RAPGEF4: variants seen among roughly 807,000 people sequenced by gnomAD.
RAPGEF4 encodes the protein RAP guanine-nucleotide-exchange factor (GEF) 4.
RAPGEF4 carries 66 observed loss-of-function variants against 147.9 expected under a neutral mutation model. That is an observed-to-expected ratio of 0.45 (90% confidence interval 0.37 to 0.55). RAPGEF4 has a LOEUF of 0.55. RAPGEF4 is among the 20% of genes least tolerant of loss of function. The pLI, the probability that RAPGEF4 is intolerant of heterozygous loss-of-function variation, is 0.00. For synonymous variants in RAPGEF4, 419 were observed against 442.7 expected, an observed-to-expected ratio of 0.95 and a Z score of 0.67; for missense variants, 1,071 against 1,257.3, an observed-to-expected ratio of 0.85 and a Z score of 2.24.
At chr2:172,820,080 G>A (rs1688924905) in intron 4 of RAPGEF4, among the ~76,000 whole-genome samples, 1 of 152,188 alleles carries the variant, frequency 6.6e-6, no homozygotes, top group African/African-American at 2.4e-5. Flanking sequence ...CTTTCTGTCT[G>A]ATGTTGTGTT....
chr2:173,025,489 C>T (rs1696571847), intron 23 of RAPGEF4, among the ~76,000 whole-genome samples: 1 of 152,228 alleles, frequency 6.6e-6, no homozygotes, highest in South Asian at 2.1e-4. Flanking sequence ...GTCGCCCAGG[C>T]TGGGGTGCAG....
chr2:172,927,718 A>G (rs1685514053), intron 6 of RAPGEF4, among the ~76,000 whole-genome samples: 1 of 152,202 alleles, frequency 6.6e-6, no homozygotes, highest in African/African-American at 2.4e-5. Flanking sequence ...TCGAGGACCA[A>G]CTGAATTCAA....
chr2:172,811,716 A>G (rs1381025812), intron 3 of RAPGEF4, among the ~76,000 whole-genome samples: 1 of 152,234 alleles, frequency 6.6e-6, no homozygotes, highest in Non-Finnish European at 1.5e-5. Flanking sequence ...GTTAGATGTT[A>G]GTGTGGATAT....
At chr2:172,774,385 G>T (rs1241459127) in intron 1 of RAPGEF4, among the ~76,000 whole-genome samples, 1 of 152,096 alleles carries the variant, frequency 6.6e-6, no homozygotes, top group Non-Finnish European at 1.5e-5. Context: ...GCCCCAATTG[G>T]GTCCCAATCT....
At chr2:172,801,252 T>G (rs953701045) in intron 3 of RAPGEF4, among the ~76,000 whole-genome samples, 2 of 152,016 alleles carry the variant, frequency 1.3e-5, no homozygotes, top group African/African-American at 2.4e-5. Flanking sequence ...GTGAGGAGGA[T>G]GATAAAAGTG....
At chr2:172,914,319 A>ATTTTT (rs573065663) in intron 4 of RAPGEF4, among the ~76,000 whole-genome samples, 2 of 62,450 alleles carry the variant, frequency 3.2e-5, no homozygotes, top group African/African-American at 1.3e-4. Context: ...GGAAATATGC[A>ATTTTT]TTTTTTTTTT....
At chr2:173,004,137 G>T (rs554011723) in intron 17 of RAPGEF4, among the ~76,000 whole-genome samples, 1 of 152,130 alleles carries the variant, frequency 6.6e-6, no homozygotes, top group Non-Finnish European at 1.5e-5. Context: ...ACGTATTTCT[G>T]TTCTTAATCC....
chr2:172,784,068 A>G (rs981164981), intron 1 of RAPGEF4, among the ~76,000 whole-genome samples: 2 of 151,986 alleles, frequency 1.3e-5, no homozygotes, highest in African/African-American at 4.8e-5. Context: ...CCATTGTGCT[A>G]CTTACCACAT....
chr2:172,981,132 C>A (rs1041874979), intron 10 of RAPGEF4, among the ~76,000 whole-genome samples: 2 of 152,220 alleles, frequency 1.3e-5, no homozygotes, highest in African/African-American at 4.8e-5. Flanking sequence ...CTCCTCTCAC[C>A]GTAACAGCCC....
At chr2:172,889,424 A>G (rs1244162162) in intron 4 of RAPGEF4, among the ~76,000 whole-genome samples, 1 of 152,180 alleles carries the variant, frequency 6.6e-6, no homozygotes, top group Admixed American at 6.5e-5. Context: ...TGAGAGACCA[A>G]TTTACGAACG....
chr2:172,871,091 G>T (rs747590438), intron 4 of RAPGEF4, among the ~76,000 whole-genome samples: 3 of 152,082 alleles, frequency 2.0e-5, no homozygotes, highest in Non-Finnish European at 2.9e-5. Flanking sequence ...TATTTTCTAG[G>T]GGAAAAAAAG....
intron 4 of RAPGEF4, among the ~76,000 whole-genome samples, chr2:172,884,057 ACTGTTGCCACAGCAAT>A: frequency 6.6e-6 from 1 of 152,274 alleles, no homozygotes; most frequent in Admixed American, 6.5e-5. Context: ...CGGTAACTAA[ACTGTTGCCACAGCAAT>A]TTTGCTACAA....
intron 6 of RAPGEF4, among the ~76,000 whole-genome samples, chr2:172,949,841 A>G (rs1053850733): frequency 1.3e-5 from 2 of 152,168 alleles, no homozygotes; most frequent in Non-Finnish European, 2.9e-5. Flanking sequence ...AAATCATTAT[A>G]TGTTATTATT....
At chr2:172,737,596 G>A (rs894924722) in intron 1 of RAPGEF4, among the ~76,000 whole-genome samples, 1 of 151,896 alleles carries the variant, frequency 6.6e-6, no homozygotes, top group Non-Finnish European at 1.5e-5. Context: ...GGACATATTC[G>A]ACTCTCTCTT....
intron 4 of RAPGEF4, among the ~76,000 whole-genome samples, chr2:172,826,035 T>G (rs1036834858): frequency 5.9e-5 from 9 of 152,216 alleles, no homozygotes; most frequent in African/African-American, 1.7e-4. Flanking sequence ...TGTGAAGATT[T>G]CTTTTCTGGA....
At chr2:172,995,845 A>G (rs1212879647) in intron 15 of RAPGEF4, among the ~76,000 whole-genome samples, 2 of 152,220 alleles carry the variant, frequency 1.3e-5, no homozygotes, top group Non-Finnish European at 2.9e-5. Context: ...GCATTGAAAT[A>G]AATTATAAGG....
intron 6 of RAPGEF4, among the ~76,000 whole-genome samples, chr2:172,949,834 T>A (rs936779303): frequency 3.3e-5 from 5 of 152,326 alleles, no homozygotes; most frequent in African/African-American, 1.2e-4. Context: ...ACATGGTAAA[T>A]CATTATATGT....
chr2:173,042,651 T>G lies in RAPGEF4; in HGVS notation c.2854-5949T>G, dbSNP rs1684915263. On this transcript the variant is annotated intron_variant, in intron 29 of 30. Transcript: ENST00000397081. This position sits in a 1 kb window ranked among gnomAD's most constrained non-coding sequence, Gnocchi z 4.2. ...AAAAAAAAGGGAAAGAAAATTGGAT[T>G]AACCAAAATGTCCCAAAGCATTTTG... Among the ~76,000 whole-genome samples, 1 of 151,974 alleles carries G rather than the reference T, an allele frequency of 6.6e-6. No homozygotes were observed. The highest frequency in any genetic ancestry group is 6.5e-5 in the Admixed American group (1 of 15,270).
chr2:173,026,723 G>A (rs764698783), intron 24 of RAPGEF4, 26 bp downstream of exon 24: 19 of 1,611,196 alleles, frequency 1.2e-5, no homozygotes, highest in Non-Finnish European at 1.5e-5. Flanking sequence ...AGATGTGTTA[G>A]TAGCTGAGAT....
Sources: allele counts gnomAD v4.1 joint callset (sites outside exome capture counted in the v4.1 genomes callset), GRCh38; gene constraint gnomAD v4.1.1; non-coding constraint Gnocchi (gnomAD v3.1); transcripts MANE v1.5; gene names NCBI Gene and HGNC (gene_info 2026-07-23, HGNC 2026-07-21).